The following LIG1 variants were observed in gnomAD, a reference collection of about 807,000 sequenced individuals.
LIG1 encodes the protein ligase I, DNA, ATP-dependent.
In LIG1, 70 loss-of-function variants were observed where a neutral mutation model predicts 115.7. The ratio of observed to expected loss-of-function variants is 0.60; its 90% CI spans 0.50 to 0.74. LIG1 has a LOEUF of 0.74. Among genes scored for constraint, LIG1 ranks in the 30% least tolerant of loss-of-function variants. The pLI is 0.00. For missense variants in LIG1, 1,115 were observed against 1,225.6 expected, an observed-to-expected ratio of 0.91 and a Z score of 1.35; for synonymous variants, 487 against 495.3, an observed-to-expected ratio of 0.98 and a Z score of 0.22.
intron 21 of LIG1, among the ~76,000 whole-genome samples, chr19:48,126,386 A>C (rs2033669868): frequency 6.6e-6 from 1 of 152,092 alleles, no homozygotes; most frequent in South Asian, 2.1e-4. Context: ...TGGGCAGATC[A>C]CCTGAGGTCA....
At chr19:48,127,710 C>T in intron 20 of LIG1, 200 bp downstream of exon 20, 1 of 676,238 alleles carries the variant, frequency 1.5e-6, no homozygotes, top group Non-Finnish European at 2.7e-6. Flanking sequence ...CCGAAAAGGG[C>T]CCTTCCCCTC....
At chr19:48,169,439 ATACTCTTTTCACAACTT>A (rs2036651554) in intron 1 of LIG1, among the ~76,000 whole-genome samples, 1 of 152,224 alleles carries the variant, frequency 6.6e-6, no homozygotes, top group Admixed American at 6.5e-5. Flanking sequence ...GAAGATGGAT[ATACTCTTTTCACAACTT>A]CCTTGAATCT....
At chr19:48,123,343 A>C (rs2033431822) in intron 21 of LIG1, 25 bp from the exon 22 acceptor site, 1 of 1,610,348 alleles carries the variant, frequency 6.2e-7, no homozygotes. Context: ...GGGAGAAGAG[A>C]GATGAGACAT....
Position 48,123,061 on chromosome 19 carries a change from C to T in LIG1, c.2150-45G>A, listed in dbSNP as rs3731010. ...GTGGTCCTTGGGAAGCCCTGGCTCACAAGCGCCGGAGCAGGCAGGATTCTG... is the reference window on the plus strand; with the variant it reads ...GTGGTCCTTGGGAAGCCCTGGCTCATAAGCGCCGGAGCAGGCAGGATTCTG... On this transcript the variant is annotated intron_variant, in intron 22 of 27. Transcript: ENST00000263274. 2.2e-5 allele frequency: 36 copies of T among 1,612,256 alleles called. No homozygotes were observed. The African/African-American group carries it at 4.7e-4, about 21-fold the overall frequency.
intron 4 of LIG1, 23 bp downstream of exon 4, chr19:48,161,349 T>C: frequency 1.2e-6 from 2 of 1,614,130 alleles, no homozygotes; most frequent in Non-Finnish European, 1.7e-6. Context: ...CTGGTAAAAA[T>C]GGGCAGGGTG....
intron 21 of LIG1, among the ~76,000 whole-genome samples, chr19:48,125,445 T>G (rs2033600254): frequency 6.6e-6 from 1 of 152,170 alleles, no homozygotes; most frequent in African/African-American, 2.4e-5. Flanking sequence ...AAGGCATCTC[T>G]GCATTAGAAC....
chr19:48,116,112 G>A (rs2032796701), intron 26 of LIG1, 147 bp from the exon 27 acceptor site: 2 of 695,694 alleles, frequency 2.9e-6, no homozygotes, highest in African/African-American at 1.8e-5. Flanking sequence ...TTGACAAAGT[G>A]CTTGGAACAG....
intron 5 of LIG1, chr19:48,154,672 G>C (rs1236253367): frequency 1.9e-5 from 3 of 155,312 alleles, no homozygotes; most frequent in Non-Finnish European, 2.9e-5. Context: ...ACTAACCCAT[G>C]ATGAAGAGCT....
intron 4 of LIG1, among the ~76,000 whole-genome samples, chr19:48,160,078 C>A (rs1225801977): frequency 6.6e-6 from 1 of 152,214 alleles, no homozygotes; most frequent in East Asian, 1.9e-4. Flanking sequence ...TTCCTGGATT[C>A]TCCCCCAGAG....
chr19:48,142,528 G>A (rs1194152876), intron 11 of LIG1, among the ~76,000 whole-genome samples: 1 of 151,494 alleles, frequency 6.6e-6, no homozygotes, highest in Non-Finnish European at 1.5e-5. Flanking sequence ...TGCCATGTGA[G>A]AACGAAGGGA....
chr19:48,127,337 C>T lies in LIG1; in HGVS notation c.1944G>A (p.Ala648=), dbSNP rs143842035. 2.4e-4 allele frequency: 388 copies of T among 1,613,362 alleles called. No homozygotes were observed. Among genetic ancestry groups the T allele is most frequent in the Non-Finnish European group, 3.0e-4 (357 of 1,179,994 alleles). Residue 648 remains alanine (A), a synonymous_variant, in exon 21 of 28, where the codon GCG becomes GCA. Coordinates refer to ENST00000263274, the MANE Select transcript of LIG1 (RefSeq NM_000234.3). ...AACACACCTGCACCTGGATCTCAGA[C>T]GCATCCACCTCCTGGGTTGGGGCAC... is the stretch of plus-strand genomic sequence containing the variant. ...LTTRKRKEVD[A]SEIQVQVCLY... is the part of the protein sequence containing the mutation.
At chr19:48,121,344 G>A (rs16981356) in intron 23 of LIG1, 22 bp from the exon 24 acceptor site, 1 of 1,582,368 alleles carries the variant, frequency 6.3e-7, no homozygotes. Flanking sequence ...GGAGGCAAGA[G>A]ATGAGAAGGG....
intron 2 of LIG1, 59 bp from the exon 3 acceptor site, chr19:48,162,410 T>A: frequency 3.5e-6 from 4 of 1,151,366 alleles, no homozygotes; most frequent in Non-Finnish European, 5.2e-6. Context: ...ACCCTGCCTA[T>A]CTATGCTGTA....
intron 4 of LIG1, chr19:48,161,051 T>C: frequency 7.6e-6 from 3 of 397,050 alleles, no homozygotes; most frequent in East Asian, 1.2e-4. Flanking sequence ...GCCCTTGTTT[T>C]ACCATCAGGC....
rs981820581 is a variant in LIG1, at chr19:48,137,905, G to T, written c.1088-217C>A. 1.6e-5 allele frequency: 10 copies of T among 623,774 alleles called. No homozygotes were observed. The highest frequency in any genetic ancestry group is 2.6e-5 in the Non-Finnish European group (9 of 347,074). 38.6% of individuals were successfully genotyped at this position (623,774 alleles called of 1,614,324 possible). On this transcript the variant is annotated intron_variant, in intron 12 of 27. Coordinates refer to ENST00000263274, the MANE Select transcript of LIG1 (RefSeq NM_000234.3). This position sits in a 1 kb window ranked among gnomAD's most constrained non-coding sequence, Gnocchi z 4.3. ...GGAAGTCAGCAAACATGCACGTGGA[G>T]CCAGGAAAGCGGTGGATGAACGAGC...
At chr19:48,163,784 A>G (rs1010204959) in intron 2 of LIG1, among the ~76,000 whole-genome samples, 5 of 152,012 alleles carry the variant, frequency 3.3e-5, no homozygotes, top group African/African-American at 7.2e-5. Context: ...TCTACTAAAA[A>G]TACAAAAAAA....
chr19:48,168,320 T>C (rs542968606), intron 1 of LIG1, among the ~76,000 whole-genome samples: 6 of 152,194 alleles, frequency 3.9e-5, no homozygotes, highest in African/African-American at 1.4e-4. Flanking sequence ...CCCCACTTTA[T>C]AGATGAAGGT....
rs540063559 is a variant in LIG1 at position 48,134,731 on chromosome 19, G to A, written c.1524-665C>T. On this transcript the variant is annotated intron_variant, in intron 16 of 27. Transcript: ENST00000263274. ...AAAGATTTTGATGTAGCTGGTGTGG[G>A]GTAGGCCTGAGGTCAGCAGCTGATA... is the stretch of plus-strand genomic sequence containing the variant. 2.0e-5 allele frequency among the ~76,000 whole-genome samples: 3 copies of A among 152,354 alleles called. No individual in the cohort carries two copies. In the South Asian group the frequency reaches 6.2e-4, roughly 32 times the overall value.
intron 19 of LIG1, among the ~76,000 whole-genome samples, 154 bp downstream of exon 19, chr19:48,130,922 C>T (rs1003611625): frequency 6.6e-6 from 1 of 152,198 alleles, no homozygotes; most frequent in Admixed American, 6.5e-5. Context: ...GCTTACACCA[C>T]GCAGGACTGA....
Sources: allele counts gnomAD v4.1 joint callset (sites outside exome capture counted in the v4.1 genomes callset), GRCh38; gene constraint gnomAD v4.1.1; non-coding constraint Gnocchi (gnomAD v3.1); transcripts MANE v1.5; gene names NCBI Gene and HGNC (gene_info 2026-07-23, HGNC 2026-07-21).